LRRC9: variants seen among roughly 807,000 people sequenced by gnomAD.
The protein encoded by LRRC9 is leucine rich repeat containing 9, also known as leucine-rich repeat-containing protein 9.
A neutral mutation model predicts 63.2 loss-of-function variants in LRRC9; 122 were observed. That is an observed-to-expected ratio of 1.93 (90% CI 1.67 to 2.24). The LOEUF (loss-of-function observed/expected upper bound fraction) is 2.24. Ranked by LOEUF, LRRC9 falls within the 30% of genes most tolerant of loss-of-function variation. The pLI, the probability that LRRC9 is intolerant of heterozygous loss-of-function variation, is 0.00. For synonymous variants in LRRC9, 366 were observed against 213.1 expected (o/e 1.72, Z -6.25); for missense variants, 1,071 against 627.7 (o/e 1.71, Z -7.55).
At chr14:59,978,615 A>C (rs1055271757) in intron 15 of LRRC9, among the ~76,000 whole-genome samples, 1 of 152,174 alleles carries the variant, frequency 6.6e-6, no homozygotes, top group East Asian at 1.9e-4. Context: ...ACTTTAGTAC[A>C]TATAGATGGG....
intron 12 of LRRC9, among the ~76,000 whole-genome samples, chr14:59,974,271 G>C (rs1384862738): frequency 2.0e-5 from 3 of 152,050 alleles, no homozygotes; most frequent in African/African-American, 7.2e-5. Flanking sequence ...ATTACTAGTG[G>C]AGTACTCATT....
At chr14:59,963,520 A>G (rs1384191166) in intron 10 of LRRC9, among the ~76,000 whole-genome samples, 1 of 152,104 alleles carries the variant, frequency 6.6e-6, no homozygotes, top group Non-Finnish European at 1.5e-5. Context: ...CTAAAAAAAA[A>G]AAAACACCTT....
At chr14:59,949,657 A>C (rs1450323432) in intron 8 of LRRC9, among the ~76,000 whole-genome samples, 1 of 149,922 alleles carries the variant, frequency 6.7e-6, no homozygotes, top group African/African-American at 2.5e-5. Context: ...TTCCCTCTAC[A>C]CACTGCTTTG....
intron 25 of LRRC9, 150 bp from the exon 26 acceptor site, chr14:60,018,971 A>G (rs1890911536): frequency 2.3e-6 from 1 of 439,762 alleles, no homozygotes; most frequent in African/African-American, 2.0e-5. Flanking sequence ...TTAAAAACAC[A>G]TTGAAAACTA....
In LRRC9 at chr14:59,985,229, G is replaced by T; in HGVS notation, c.2211+5G>T. Reference sequence around the variant, plus strand: ...TTAGATGATGTATACCACTTGGTAAGAATTGTTCCTTTGAATCTAAAAAAG... The same window carrying T: ...TTAGATGATGTATACCACTTGGTAATAATTGTTCCTTTGAATCTAAAAAAG... On this transcript the variant is annotated splice_donor_5th_base_variant and intron_variant, in intron 17 of 31. Coordinates refer to ENST00000445360, the Ensembl canonical transcript of LRRC9. 1 of 624,816 alleles carries T rather than the reference G, an allele frequency of 1.6e-6. No individual in the cohort carries two copies. Among genetic ancestry groups the T allele is most frequent in the South Asian group, 1.8e-5 (1 of 55,036 alleles). The allele number at this position is 624,816 out of a possible 1,614,324, so 38.7% of individuals were successfully genotyped here.
intron 24 of LRRC9, among the ~76,000 whole-genome samples, chr14:60,018,030 A>T (rs1890829783): frequency 1.3e-5 from 2 of 152,108 alleles, no homozygotes; most frequent in South Asian, 4.1e-4. Flanking sequence ...TACAATATCA[A>T]CTTCACTATG....
In LRRC9 at chr14:59,986,528, T is replaced by C. The variant is rs1393906727; in HGVS notation, c.2211+1304T>C. ...AGAATCCCTGAGAGTCTGGATTCAG[T>C]ATGCAACTGAGGGAAAAAGGTATTT... On this transcript the variant is annotated intron_variant, in intron 17 of 31. Coordinates refer to ENST00000445360, the Ensembl canonical transcript of LRRC9. This position sits in a 1 kb window ranked among gnomAD's most constrained non-coding sequence, Gnocchi z 4.7. 6.6e-6 allele frequency among the ~76,000 whole-genome samples: 1 copy of C among 152,216 alleles called. No homozygotes were observed. The highest frequency in any genetic ancestry group is 1.5e-5 in the Non-Finnish European group (1 of 68,024).
exon 3 of LRRC9, chr14:59,928,416 T>C (rs200097783): frequency 2.7e-4 from 186 of 697,764 alleles, no homozygotes; most frequent in Non-Finnish European, 6.0e-5. Flanking sequence ...GCTCAAGATA[T>C]AAAAGAAATT....
intron 25 of LRRC9, among the ~76,000 whole-genome samples, chr14:60,018,736 T>C (rs1890891164): frequency 6.6e-6 from 1 of 151,950 alleles, no homozygotes; most frequent in Non-Finnish European, 1.5e-5. Context: ...AAGGCAGATA[T>C]GGAAAGAAGC....
chr14:59,940,969 A>G (rs1028586837), intron 7 of LRRC9, among the ~76,000 whole-genome samples: 6 of 152,094 alleles, frequency 3.9e-5, no homozygotes, highest in Admixed American at 2.0e-4. Context: ...AGCAAGTTGC[A>G]TGTGGTCAGC....
At position 59,975,151 on chromosome 14, in the gene LRRC9, GT is replaced by G. The variant is rs1886110538; in HGVS notation, c.1639+444del. Among the ~76,000 whole-genome samples the G allele has an allele frequency of 1.0e-3, 11 of 10,500 alleles. 2 individuals carry two copies. In the South Asian group the frequency reaches 0.022, roughly 21 times the overall value. The allele number at this position is 10,500 out of a possible 152,430, so 6.9% of individuals were successfully genotyped here. On this transcript the variant is annotated intron_variant, in intron 13 of 31. Transcript: ENST00000445360. ...TGTATATATATATACATATATATATGTATATATATATATGTATATATATATA... is the reference window on the plus strand; with the variant it reads ...TGTATATATATATACATATATATATGATATATATATATGTATATATATATA...
intron 8 of LRRC9, among the ~76,000 whole-genome samples, chr14:59,957,966 T>G (rs959228014): frequency 6.6e-6 from 1 of 152,206 alleles, no homozygotes; most frequent in African/African-American, 2.4e-5. Context: ...GGCTGCAGAA[T>G]AGCAAAGATT....
intron 12 of LRRC9, chr14:59,969,378 A>T (rs905749112): frequency 1.3e-4 from 20 of 152,148 alleles, no homozygotes; most frequent in African/African-American, 4.6e-4. Flanking sequence ...TTCACACACC[A>T]TCAATTACTG....
rs531345537 is a variant in LRRC9, at chr14:60,024,088, T to C, written c.3703+1218T>C. Among the ~76,000 whole-genome samples, 40 of 152,274 alleles carry C rather than the reference T, an allele frequency of 2.6e-4. 1 individual carries two copies. The South Asian group carries it at 7.5e-3, about 28-fold the overall frequency. On this transcript the variant is annotated intron_variant, in intron 27 of 31. Coordinates refer to ENST00000445360, the Ensembl canonical transcript of LRRC9. ...GGTTCCAAGTCTTTGCTATTGTGAA[T>C]AGTGCTGCAATAAACATATGTGTGC...
At chr14:59,959,722 T>C (rs1282207985) in intron 8 of LRRC9, 96 bp from the exon 9 acceptor site, 2 of 497,482 alleles carry the variant, frequency 4.0e-6, no homozygotes, top group African/African-American at 2.0e-5. Flanking sequence ...TAGACATTTG[T>C]TTAATAGATC....
rs1288131654 is a variant in LRRC9 at position 60,060,714 on chromosome 14, C to G, written c.4277-2609C>G. On this transcript the variant is annotated intron_variant, in intron 31 of 31. Transcript: ENST00000445360. The surrounding 1 kb of genome is among the most constrained non-coding windows in gnomAD (Gnocchi z 4.0). ...CGAGATCGCGCCACTGCTCTCCAGC[C>G]TGGGTGACAGAGCAAGACTCCATCT... Among the ~76,000 whole-genome samples, 1 of 152,112 alleles carries G rather than the reference C, an allele frequency of 6.6e-6. No individual in the cohort carries two copies. Among genetic ancestry groups the G allele is most frequent in the Non-Finnish European group, 1.5e-5 (1 of 68,036 alleles).
At position 60,031,868 on chromosome 14, in the gene LRRC9, T is replaced by C. The variant is rs1388426201; in HGVS notation, c.3922-127T>C. On this transcript the variant is annotated intron_variant, in intron 28 of 31. Transcript: ENST00000445360. The surrounding 1 kb of genome is among the most constrained non-coding windows in gnomAD (Gnocchi z 4.6). ...GAATACAGAATACTGTCACTCAAGC[T>C]CACTTCAGAGAATTCAATCATGAGC... The C allele has an allele frequency of 5.0e-6, 3 of 596,830 alleles. No individual in the cohort carries two copies. The highest frequency in any genetic ancestry group is 1.9e-5 in the African/African-American group (1 of 53,528). The allele number at this position is 596,830 out of a possible 1,614,324, so 37.0% of individuals were successfully genotyped here. A position where few individuals can be genotyped will look rare whatever the true frequency, so the allele number is the denominator to read the frequency against.
chr14:60,018,269 C>A, intron 24 of LRRC9, 102 bp from the exon 25 acceptor site: 1 of 658,250 alleles, frequency 1.5e-6, no homozygotes, highest in South Asian at 1.6e-5. Context: ...TCAGGTGAGA[C>A]TTTTTAAATG....
chr14:60,055,979 T>C (rs577429197), intron 30 of LRRC9, among the ~76,000 whole-genome samples: 1 of 152,084 alleles, frequency 6.6e-6, no homozygotes, highest in South Asian at 2.1e-4. Flanking sequence ...TTCTTTGCCA[T>C]TACCAGCTTC....
Sources: allele counts gnomAD v4.1 joint callset (sites outside exome capture counted in the v4.1 genomes callset), GRCh38; gene constraint gnomAD v4.1.1; non-coding constraint Gnocchi (gnomAD v3.1); transcripts MANE v1.5; gene names NCBI Gene and HGNC (gene_info 2026-07-23, HGNC 2026-07-21).